The following NEDD4L variants were observed in gnomAD, a reference collection of about 807,000 sequenced individuals.
The protein encoded by NEDD4L is NEDD4 like E3 ubiquitin protein ligase, also known as E3 ubiquitin-protein ligase NEDD4-like.
A neutral mutation model predicts 148.9 loss-of-function variants in NEDD4L; 54 were observed. That is an observed-to-expected ratio of 0.36 (90% CI 0.29 to 0.45). The LOEUF (loss-of-function observed/expected upper bound fraction) is 0.45. Among genes scored for constraint, NEDD4L ranks in the 20% least tolerant of loss-of-function variants. The pLI is 1.00. For synonymous variants in NEDD4L, 433 were observed against 440.7 expected, an observed-to-expected ratio of 0.98 and a Z score of 0.22; for missense variants, 856 against 1,233.8, an observed-to-expected ratio of 0.69 and a Z score of 4.59.
rs2048536954 is a variant in NEDD4L at position 58,256,226 on chromosome 18, G to A, written c.297+4172G>A. ...CCCGGGCCTGCGCATCCAGCACCGC[G>A]CCTCCAGCGCCGACGTGCGCCAGGT... On this transcript the variant is annotated intron_variant, in intron 5 of 30. Coordinates refer to ENST00000400345, the MANE Select transcript of NEDD4L (RefSeq NM_001144967.3). The surrounding 1 kb of genome is among the most constrained non-coding windows in gnomAD (Gnocchi z 5.2). 5 of 1,226,144 alleles carry A rather than the reference G, an allele frequency of 4.1e-6. No individual in the cohort carries two copies. The highest frequency in any genetic ancestry group is 3.0e-6 in the Non-Finnish European group (3 of 984,390). The allele number at this position is 1,226,144 out of a possible 1,614,324, so 76.0% of individuals were successfully genotyped here.
intron 26 of NEDD4L, 80 bp downstream of exon 26, chr18:58,385,666 G>C: frequency 8.6e-7 from 1 of 1,161,552 alleles, no homozygotes; most frequent in Non-Finnish European, 1.3e-6. Context: ...CCTTTAGCTA[G>C]TGTGGTGGAG....
intron 24 of NEDD4L, among the ~76,000 whole-genome samples, chr18:58,382,610 C>G (rs555751941): frequency 6.6e-6 from 1 of 152,184 alleles, no homozygotes; most frequent in African/African-American, 2.4e-5. Context: ...TAAGCTAGGT[C>G]TGGGTCAGGG....
At chr18:58,048,937 G>A (rs1358720167) in intron 1 of NEDD4L, among the ~76,000 whole-genome samples, 1 of 152,096 alleles carries the variant, frequency 6.6e-6, no homozygotes, top group Non-Finnish European at 1.5e-5. Flanking sequence ...CCTTTGGCGT[G>A]GATGCCATAT....
chr18:58,344,043 T>G (rs1463505156), intron 16 of NEDD4L, among the ~76,000 whole-genome samples: 1 of 152,248 alleles, frequency 6.6e-6, no homozygotes, highest in Non-Finnish European at 1.5e-5. Flanking sequence ...TGCTACTTGC[T>G]CAAAACTGAT....
chr18:58,348,164 C>CT (rs2145486229), intron 16 of NEDD4L, among the ~76,000 whole-genome samples: 1 of 151,848 alleles, frequency 6.6e-6, no homozygotes, highest in South Asian at 2.1e-4. Context: ...ACTCAGCTAA[C>CT]TTTTTGTGTT....
intron 2 of NEDD4L, among the ~76,000 whole-genome samples, chr18:58,195,966 A>G (rs889559719): frequency 6.6e-6 from 1 of 152,242 alleles, no homozygotes; most frequent in African/African-American, 2.4e-5. Flanking sequence ...TTTAACCTGT[A>G]TCATCTTGTT....
At chr18:58,220,765 C>A (rs925698108) in intron 2 of NEDD4L, among the ~76,000 whole-genome samples, 3 of 152,182 alleles carry the variant, frequency 2.0e-5, no homozygotes, top group Non-Finnish European at 4.4e-5. Context: ...GGTGTGACTT[C>A]TTCCAGCAAG....
chr18:58,104,057 G>T (rs968095218), intron 1 of NEDD4L, among the ~76,000 whole-genome samples: 2 of 152,220 alleles, frequency 1.3e-5, no homozygotes, highest in African/African-American at 2.4e-5. Flanking sequence ...CCATCAGTGG[G>T]TGAATAGATT....
chr18:58,140,247 A>C (rs1382806186), intron 1 of NEDD4L, among the ~76,000 whole-genome samples: 1 of 152,218 alleles, frequency 6.6e-6, no homozygotes, highest in Non-Finnish European at 1.5e-5. Flanking sequence ...ATTCTGGTAC[A>C]GAGATAAAGG....
chr18:58,348,453 T>C (rs561544688), intron 16 of NEDD4L, among the ~76,000 whole-genome samples: 1 of 144,390 alleles, frequency 6.9e-6, no homozygotes, highest in East Asian at 2.2e-4. Flanking sequence ...TAACTCAGCC[T>C]CCCGAGTAGC....
At chr18:58,370,322 A>G in intron 22 of NEDD4L, 75 bp from the exon 23 acceptor site, 1 of 893,242 alleles carries the variant, frequency 1.1e-6, no homozygotes, top group Non-Finnish European at 1.9e-6. Flanking sequence ...AAAGCAGGTT[A>G]ATCTTTTCTT....
Position 58,197,099 on chromosome 18 carries a change from A to G in NEDD4L, c.122+31238A>G, listed in dbSNP as rs192109040. Among the ~76,000 whole-genome samples the G allele has an allele frequency of 2.8e-4, 43 of 152,256 alleles. No homozygotes were observed. In the East Asian group the frequency reaches 8.1e-3, roughly 29 times the overall value. ...TCGTTGTGCTTGAGAATTGTGTGGC[A>G]TTGGGTCCCTGGATGTGGGAGGAAC... On this transcript the variant is annotated intron_variant, in intron 2 of 30. Transcript: ENST00000400345.
chr18:58,361,847 G>A (rs151282904), intron 19 of NEDD4L, among the ~76,000 whole-genome samples: 132 of 151,742 alleles, frequency 8.7e-4, no homozygotes, highest in Admixed American at 1.4e-3. Context: ...AATGACATTC[G>A]AGATTTTCAA....
At chr18:58,282,328 G>A (rs982992469) in intron 5 of NEDD4L, among the ~76,000 whole-genome samples, 1 of 151,980 alleles carries the variant, frequency 6.6e-6, no homozygotes, top group Non-Finnish European at 1.5e-5. Flanking sequence ...TTCTAGAAAG[G>A]GAGGGATCGA....
At chr18:58,388,906 G>C (rs1335595142) in intron 27 of NEDD4L, 179 bp from the exon 28 acceptor site, 6 of 621,604 alleles carry the variant, frequency 9.7e-6, no homozygotes, top group Non-Finnish European at 1.5e-5. Flanking sequence ...TGCTGCCTCT[G>C]TGATCTGCTA....
At chr18:58,157,426 A>G (rs761762810) in intron 1 of NEDD4L, among the ~76,000 whole-genome samples, 1 of 152,142 alleles carries the variant, frequency 6.6e-6, no homozygotes, top group Non-Finnish European at 1.5e-5. Context: ...TCTTGTGTCC[A>G]TGCAGTTTGC....
chr18:58,101,925 A>G (rs772288862), intron 1 of NEDD4L, among the ~76,000 whole-genome samples: 1 of 152,200 alleles, frequency 6.6e-6, no homozygotes, highest in African/African-American at 2.4e-5. Context: ...AAATTAGTAT[A>G]GAAGCAAATG....
At chr18:58,109,377 G>C (rs1268955291) in intron 1 of NEDD4L, among the ~76,000 whole-genome samples, 1 of 152,200 alleles carries the variant, frequency 6.6e-6, no homozygotes. Context: ...ATCACCCAGA[G>C]AAGAGTGGAA....
chr18:58,163,944 G>A (rs578188247), intron 1 of NEDD4L, among the ~76,000 whole-genome samples: 1 of 151,886 alleles, frequency 6.6e-6, no homozygotes, highest in Non-Finnish European at 1.5e-5. Flanking sequence ...CCCTCACCTA[G>A]GTCTTGACTA....
Sources: gnomAD v4.1 joint callset for allele counts (sites outside exome capture counted in the v4.1 genomes callset) on GRCh38, gnomAD v4.1.1 for gene constraint, Gnocchi (gnomAD v3.1) non-coding constraint, MANE v1.5 for transcripts, NCBI Gene and HGNC (gene_info 2026-07-23, HGNC 2026-07-21) for gene names.